The following RGS18 variants were observed in gnomAD, a reference collection of about 807,000 sequenced individuals.
The protein encoded by RGS18 is regulator of G protein signaling 18.
Under a neutral mutation model 27.6 loss-of-function variants are expected in RGS18, and 22 were observed. The ratio of observed to expected loss-of-function variants is 0.80; its 90% CI spans 0.57 to 1.14. The LOEUF (loss-of-function observed/expected upper bound fraction) is 1.14, where lower values mean the gene tolerates loss of function less well. Among genes scored for constraint, RGS18 ranks in the 50% most tolerant of loss-of-function variants. The probability of loss-of-function intolerance (pLI) is 0.00; values close to 1 mark genes in which losing one functional copy is unlikely to be tolerated. For missense variants in RGS18, 299 were observed against 269.6 expected, an observed-to-expected ratio of 1.11 and a Z score of -0.76; for synonymous variants, 89 against 84.6, an observed-to-expected ratio of 1.05 and a Z score of -0.29.
At chr1:192,171,312 C>T (rs1024448212) in intron 3 of RGS18, among the ~76,000 whole-genome samples, 5 of 151,754 alleles carry the variant, frequency 3.3e-5, no homozygotes, top group African/African-American at 9.7e-5. Context: ...CAGAGTTTGC[C>T]GACTCATTCA....
intron 3 of RGS18, among the ~76,000 whole-genome samples, chr1:192,160,990 C>T (rs1656059820): frequency 6.6e-6 from 1 of 152,142 alleles, no homozygotes; most frequent in African/African-American, 2.4e-5. Context: ...GCTGGGACTA[C>T]AGGCTCCCGC....
intron 3 of RGS18, chr1:192,168,657 T>G (rs1656202799): frequency 6.6e-6 from 1 of 152,220 alleles, no homozygotes; most frequent in Admixed American, 6.6e-5. Flanking sequence ...CCTCTGCTAC[T>G]TTGAACAGAA....
chr1:192,158,858 T>C (rs1656018737), intron 1 of RGS18, 102 bp downstream of exon 1: 2 of 816,018 alleles, frequency 2.5e-6, no homozygotes, highest in South Asian at 3.4e-5. Context: ...GGAAAATATA[T>C]TGTTTGTATT....
At chr1:192,161,475 G>T (rs546498351) in intron 3 of RGS18, 1 of 152,166 alleles carries the variant, frequency 6.6e-6, no homozygotes, top group Non-Finnish European at 1.5e-5. Context: ...AACTGAGCAG[G>T]TGATGCAGCT....
At chr1:192,178,975 T>C (rs1432345506) in intron 3 of RGS18, among the ~76,000 whole-genome samples, 2 of 150,992 alleles carry the variant, frequency 1.3e-5, no homozygotes, top group Admixed American at 1.3e-4. Context: ...AGAGAGAAGA[T>C]GGGCAAATAG....
chr1:192,169,473 T>C (rs1656219437), intron 3 of RGS18: 1 of 152,164 alleles, frequency 6.6e-6, no homozygotes, highest in Non-Finnish European at 1.5e-5. Context: ...CCAACTTTGC[T>C]TTAATTTCTA....
chr1:192,169,672 A>G (rs1656222149), intron 3 of RGS18: 1 of 152,128 alleles, frequency 6.6e-6, no homozygotes, highest in African/African-American at 2.4e-5. Context: ...TTACCTGAAA[A>G]TCTTCTCACA....
At chr1:192,160,045 A>T (rs1164122749) in intron 2 of RGS18, among the ~76,000 whole-genome samples, 6 of 152,044 alleles carry the variant, frequency 3.9e-5, no homozygotes, top group Non-Finnish European at 8.8e-5. Context: ...CTACTTGCTG[A>T]ATTTAAACAG....
intron 4 of RGS18, among the ~76,000 whole-genome samples, chr1:192,181,724 T>C (rs1158822798): frequency 6.6e-6 from 1 of 151,592 alleles, no homozygotes; most frequent in Non-Finnish European, 1.5e-5. Context: ...TGTTCTTTTC[T>C]AGCAATCTTG....
Position 192,158,655 on chromosome 1 carries a change from T to C in RGS18, c.18T>C (p.Leu6=). 1 of 1,569,956 alleles carries C rather than the reference T, an allele frequency of 6.4e-7. No individual in the cohort carries two copies. Among genetic ancestry groups the C allele is most frequent in the East Asian group, 2.3e-5 (1 of 43,860 alleles). Reference sequence around the variant, plus strand: ...GAGAGAAGATGGAAACAACATTGCTTTTCTTTTCTCAAATAAATATGTGTG... The same window carrying C: ...GAGAGAAGATGGAAACAACATTGCTCTTCTTTTCTCAAATAAATATGTGTG... METTL[L]FFSQINMCES... is the part of the protein sequence containing the mutation. The change falls in exon 1 of 5, where the codon CTT becomes CTC. Residue 6 remains leucine (L), a synonymous_variant. Coordinates refer to ENST00000367460, the MANE Select transcript of RGS18 (RefSeq NM_130782.3).
chr1:192,184,042 A>G (rs1297999310), intron 4 of RGS18, among the ~76,000 whole-genome samples: 1 of 151,558 alleles, frequency 6.6e-6, no homozygotes, highest in Non-Finnish European at 1.5e-5. Context: ...TATCGCAAGG[A>G]CAGCACTAAG....
chr1:192,172,882 T>TATATATATATATATATATATATATATAA (rs1407068832), intron 3 of RGS18, among the ~76,000 whole-genome samples: 1 of 104,854 alleles, frequency 9.5e-6, no homozygotes, highest in African/African-American at 2.8e-5. Context: ...TATATATATA[T>TATATATATATATATATATATATATATAA]AAATATATAT....
chr1:192,160,939 G>A (rs1348084154), intron 3 of RGS18, among the ~76,000 whole-genome samples: 2 of 152,078 alleles, frequency 1.3e-5, no homozygotes, highest in South Asian at 2.1e-4. Flanking sequence ...TGCAAGCTCC[G>A]CCTCCGTTCA....
At chr1:192,171,377 T>C (rs1656252981) in intron 3 of RGS18, among the ~76,000 whole-genome samples, 1 of 152,110 alleles carries the variant, frequency 6.6e-6, no homozygotes. Context: ...CTAGAAATTA[T>C]CTTACTAGCA....
At chr1:192,174,469 G>C (rs1656323023) in intron 3 of RGS18, among the ~76,000 whole-genome samples, 1 of 151,660 alleles carries the variant, frequency 6.6e-6, no homozygotes, top group Non-Finnish European at 1.5e-5. Context: ...TTTATATATT[G>C]TCATTGATAT....
chr1:192,174,458 T>C (rs2102157203), intron 3 of RGS18, among the ~76,000 whole-genome samples: 1 of 151,808 alleles, frequency 6.6e-6, no homozygotes, highest in East Asian at 1.9e-4. Context: ...GATGTTTAAG[T>C]TTTATATATT....
Position 192,163,875 on chromosome 1 carries a change from T to A in RGS18, c.283+3436T>A, listed in dbSNP as rs566611946. ...TGTGTGAATATATATATATATTTTT[T>A]TTTTTTCTTTTTTTTAAAGAGAAAG... On this transcript the variant is annotated intron_variant, in intron 3 of 4. Coordinates refer to ENST00000367460, the MANE Select transcript of RGS18 (RefSeq NM_130782.3). Among the ~76,000 whole-genome samples, 126 of 137,406 alleles carry A rather than the reference T, an allele frequency of 9.2e-4. 1 individual carries two copies. The South Asian group carries it at 0.019, about 21-fold the overall frequency. The allele number at this position is 137,406 out of a possible 152,430, so 90.1% of individuals were successfully genotyped here. A position where few individuals can be genotyped will look rare whatever the true frequency, so the allele number is the denominator to read the frequency against.
chr1:192,178,190 T>A (rs1217414599), intron 3 of RGS18, among the ~76,000 whole-genome samples: 1 of 151,636 alleles, frequency 6.6e-6, no homozygotes, highest in African/African-American at 2.4e-5. Flanking sequence ...AATGCCAGGT[T>A]TCCCGTTTAT....
chr1:192,161,364 C>T (rs1465399368), intron 3 of RGS18: 1 of 152,108 alleles, frequency 6.6e-6, no homozygotes, highest in Non-Finnish European at 1.5e-5. Context: ...GAGGCAGGCT[C>T]CCTGGATTGC....
Sources: gnomAD v4.1 joint callset for allele counts (sites outside exome capture counted in the v4.1 genomes callset) on GRCh38, gnomAD v4.1.1 for gene constraint, MANE v1.5 for transcripts, NCBI Gene and HGNC (gene_info 2026-07-23, HGNC 2026-07-21) for gene names.